Variants in ZHX3 observed in about 807,000 individuals in gnomAD.
ZHX3 encodes zinc fingers and homeoboxes protein 3.
Under a neutral mutation model 64.5 loss-of-function variants are expected in ZHX3, and 20 were observed. The ratio of observed to expected loss-of-function variants is 0.31; its 90% CI spans 0.22 to 0.45. ZHX3 has a LOEUF of 0.45. Ranked by LOEUF, ZHX3 falls within the 20% of genes least tolerant of loss-of-function variation. The pLI, the probability that ZHX3 is intolerant of heterozygous loss-of-function variation, is 1.00. For missense variants in ZHX3, 1,041 were observed against 1,195.8 expected (o/e 0.87, Z 1.91); for synonymous variants, 423 against 461.6 (o/e 0.92, Z 1.07).
At chr20:41,251,401 T>C (rs1408138302) in intron 2 of ZHX3, among the ~76,000 whole-genome samples, 2 of 152,176 alleles carry the variant, frequency 1.3e-5, no homozygotes, top group South Asian at 2.1e-4. Flanking sequence ...CACATAGGTA[T>C]ACTGTAATAC....
chr20:41,296,395 G>C (rs6072336), intron 1 of ZHX3, among the ~76,000 whole-genome samples: 2 of 151,780 alleles, frequency 1.3e-5, no homozygotes, highest in Admixed American at 1.3e-4. Context: ...CTGTCACCAC[G>C]GGGATCACCA....
At position 41,203,325 on chromosome 20, in the gene ZHX3, G is replaced by A. The variant is rs753020538; in HGVS notation, c.1592C>T (p.Thr531Met). Residue 531 changes from threonine (T) to methionine (M), a missense_variant, in exon 3 of 4, where the codon ACG becomes ATG. This residue lies in a region of ZHX3 where 649 missense variants were observed against 739.8 expected (regional missense o/e 0.88). Transcript: ENST00000683867. The surrounding 1 kb of genome is among the most constrained non-coding windows in gnomAD (Gnocchi z 7.1). ...QSEVEHLTKV[T>M]GLSTREVRKW... ...CCGCACCTCTCTGGTACTGAGGCCC[G>A]TCACTTTTGTGAGATGTTCAACTTC... 3 of 1,614,124 alleles carry A rather than the reference G, an allele frequency of 1.9e-6. No individual in the cohort carries two copies. The highest frequency in any genetic ancestry group is 2.5e-6 in the Non-Finnish European group (3 of 1,180,018).
intron 1 of ZHX3, chr20:41,316,749 A>G (rs1301569127): frequency 6.6e-6 from 1 of 152,240 alleles, no homozygotes; most frequent in East Asian, 1.9e-4. Context: ...CAAGCCCTCA[A>G]ACACTCCCCA....
chr20:41,234,682 G>A (rs1296628472), intron 2 of ZHX3, among the ~76,000 whole-genome samples: 2 of 152,248 alleles, frequency 1.3e-5, no homozygotes, highest in Non-Finnish European at 2.9e-5. Flanking sequence ...ATAGGTCACT[G>A]CTTGAATACA....
At chr20:41,233,169 C>T (rs1186513795) in intron 2 of ZHX3, among the ~76,000 whole-genome samples, 1 of 152,212 alleles carries the variant, frequency 6.6e-6, no homozygotes, top group Non-Finnish European at 1.5e-5. Context: ...CCATGCAATG[C>T]TGAGACATGA....
chr20:41,290,158 G>T (rs572295663), intron 1 of ZHX3: 3 of 152,180 alleles, frequency 2.0e-5, no homozygotes, highest in Non-Finnish European at 4.4e-5. Context: ...AGTAAAAGAT[G>T]AGTAACAGTT....
At chr20:41,240,868 T>C (rs1359958097) in intron 2 of ZHX3, among the ~76,000 whole-genome samples, 1 of 152,262 alleles carries the variant, frequency 6.6e-6, no homozygotes, top group Non-Finnish European at 1.5e-5. Context: ...CGTTGAATAG[T>C]ACTTCATTGT....
At chr20:41,249,890 T>C (rs1317252010) in intron 2 of ZHX3, among the ~76,000 whole-genome samples, 3 of 152,010 alleles carry the variant, frequency 2.0e-5, no homozygotes, top group African/African-American at 4.8e-5. Context: ...CCCCATTCAA[T>C]AGAAGAAGGT....
In ZHX3 at chr20:41,203,758, T is replaced by C. The variant is rs2038463028; in HGVS notation, c.1159A>G (p.Thr387Ala). Reference sequence around the variant, plus strand: ...AGTGGGGTATTTAGAACCGTAATTGTGGGCTGAGGCACAGACTGGATGACT... The same window carrying C: ...AGTGGGGTATTTAGAACCGTAATTGCGGGCTGAGGCACAGACTGGATGACT... ...NTVIQSVPQP[T>A]ITVLNTPLVA... Residue 387 changes from threonine to alanine, a missense_variant, in exon 3 of 4, where the codon ACA becomes GCA. Around this residue, in one of 4 missense-constraint regions of ZHX3, gnomAD observed 649 missense variants for 739.8 expected, o/e 0.88. Coordinates refer to ENST00000683867, the MANE Select transcript of ZHX3 (RefSeq NM_001384317.1). This position sits in a 1 kb window ranked among gnomAD's most constrained non-coding sequence, Gnocchi z 7.1. The C allele has an allele frequency of 1.9e-6, 3 of 1,614,108 alleles. No individual in the cohort carries two copies. Among genetic ancestry groups the C allele is most frequent in the African/African-American group, 1.3e-5 (1 of 74,936 alleles).
chr20:41,312,715 G>A (rs550390411), intron 1 of ZHX3, among the ~76,000 whole-genome samples: 3 of 152,170 alleles, frequency 2.0e-5, no homozygotes, highest in African/African-American at 4.8e-5. Flanking sequence ...AGGTCTTGAA[G>A]AGCCTGTACA....
At chr20:41,199,996 G>T (rs181610423) in intron 3 of ZHX3, among the ~76,000 whole-genome samples, 25 of 152,256 alleles carry the variant, frequency 1.6e-4, no homozygotes, top group Middle Eastern at 6.8e-3. Flanking sequence ...ACCACACCTG[G>T]CCACAAAAAC....
Position 41,232,390 on chromosome 20 carries a change from G to C in ZHX3, c.-150-27324C>G, listed in dbSNP as rs1401793631. Reference sequence around the variant, plus strand: ...GGGAGTGTGTGGTGTAGCCATGTCTGAACTCATCTGTTATGCTGGGAAAGC... The same window carrying C: ...GGGAGTGTGTGGTGTAGCCATGTCTCAACTCATCTGTTATGCTGGGAAAGC... On this transcript the variant is annotated intron_variant, in intron 2 of 3. Transcript: ENST00000683867. The surrounding 1 kb of genome is among the most constrained non-coding windows in gnomAD (Gnocchi z 5.0). Among the ~76,000 whole-genome samples the C allele has an allele frequency of 1.3e-5, 2 of 152,166 alleles. No individual in the cohort carries two copies. Among genetic ancestry groups the C allele is most frequent in the Non-Finnish European group, 2.9e-5 (2 of 68,016 alleles).
At chr20:41,222,558 GAGAAACTAC>G (rs2040012885) in intron 2 of ZHX3, among the ~76,000 whole-genome samples, 1 of 152,156 alleles carries the variant, frequency 6.6e-6, no homozygotes, top group African/African-American at 2.4e-5. Flanking sequence ...CAAATCTACA[GAGAAACTAC>G]AGAAATGGGG....
In ZHX3 at chr20:41,201,181, G is replaced by T; in HGVS notation, c.2860+876C>A. ...CACATTGCCCAACACCACAAATAGT[G>T]TCTCCTGTACCCCCTCCCACATTGC... On this transcript the variant is annotated intron_variant, in intron 3 of 3. Transcript: ENST00000683867. The surrounding 1 kb of genome is among the most constrained non-coding windows in gnomAD (Gnocchi z 5.0). 1.3e-6 allele frequency: 1 copy of T among 741,162 alleles called. No homozygotes were observed. The highest frequency in any genetic ancestry group is 1.9e-6 in the Non-Finnish European group (1 of 530,240). The allele number at this position is 741,162 out of a possible 1,614,324, so 45.9% of individuals were successfully genotyped here. A position where few individuals can be genotyped will look rare whatever the true frequency, so the allele number is the denominator to read the frequency against.
intron 3 of ZHX3, among the ~76,000 whole-genome samples, chr20:41,197,429 A>T (rs899725809): frequency 6.8e-6 from 1 of 147,884 alleles, no homozygotes; most frequent in Non-Finnish European, 1.5e-5. Context: ...TAAAATATAT[A>T]TATTTTTTTT....
At chr20:41,280,953 G>A (rs2043648152) in intron 1 of ZHX3, among the ~76,000 whole-genome samples, 1 of 151,908 alleles carries the variant, frequency 6.6e-6, no homozygotes, top group African/African-American at 2.4e-5. Context: ...ACAGATCTGA[G>A]TTAAAGAGAT....
At chr20:41,282,639 T>G (rs938026299) in intron 1 of ZHX3, among the ~76,000 whole-genome samples, 2 of 152,156 alleles carry the variant, frequency 1.3e-5, no homozygotes, top group Non-Finnish European at 2.9e-5. Flanking sequence ...ATTACAGGCG[T>G]AAGCCACCGC....
rs961499267 is a variant in ZHX3 at position 41,232,021 on chromosome 20, C to G, written c.-150-26955G>C. ...CAACCACATTCCGTACCATTAGACG[C>G]TGACAGCCCAGACCCCACCAAAATA... On this transcript the variant is annotated intron_variant, in intron 2 of 3. Coordinates refer to ENST00000683867, the MANE Select transcript of ZHX3 (RefSeq NM_001384317.1). The surrounding 1 kb of genome is among the most constrained non-coding windows in gnomAD (Gnocchi z 5.0). 1.3e-5 allele frequency among the ~76,000 whole-genome samples: 2 copies of G among 152,126 alleles called. No homozygotes were observed. The highest frequency in any genetic ancestry group is 4.8e-5 in the African/African-American group (2 of 41,414).
At chr20:41,300,316 T>C (rs373354895) in intron 1 of ZHX3, among the ~76,000 whole-genome samples, 27 of 152,100 alleles carry the variant, frequency 1.8e-4, no homozygotes, top group Non-Finnish European at 3.4e-4. Context: ...TTTCAGAAAA[T>C]TGAGACACTG....
Sources: allele counts gnomAD v4.1 joint callset (sites outside exome capture counted in the v4.1 genomes callset), GRCh38; gene constraint gnomAD v4.1.1; regional missense constraint gnomAD v4.1.1; non-coding constraint Gnocchi (gnomAD v3.1); transcripts MANE v1.5; gene names NCBI Gene and HGNC (gene_info 2026-07-23, HGNC 2026-07-21).